Variants in PPP2R5C observed in about 807,000 individuals in gnomAD.
PPP2R5C encodes the protein protein phosphatase 2 regulatory subunit B'gamma.
In PPP2R5C, 7 loss-of-function variants were observed where a neutral mutation model predicts 68.9. The observed-to-expected ratio is 0.10, with a 90% confidence interval of 0.06 to 0.19. The LOEUF is 0.19. Among genes scored for constraint, PPP2R5C ranks in the 10% least tolerant of loss-of-function variants. The pLI is 1.00. For synonymous variants in PPP2R5C, 210 were observed against 222.2 expected (o/e 0.95, Z 0.49); for missense variants, 348 against 641.3 (o/e 0.54, Z 4.94).
At chr14:101,910,151 G>C (rs2046302038) in intron 11 of PPP2R5C, among the ~76,000 whole-genome samples, 1 of 152,168 alleles carries the variant, frequency 6.6e-6, no homozygotes, top group South Asian at 2.1e-4. Context: ...TCTGTCCTTT[G>C]CAAAATCAGG....
At chr14:101,895,044 T>C (rs757966692) in intron 8 of PPP2R5C, among the ~76,000 whole-genome samples, 4 of 152,234 alleles carry the variant, frequency 2.6e-5, no homozygotes, top group Non-Finnish European at 4.4e-5. Context: ...GTTAGATTAC[T>C]GCTGTTCTGT....
intron 8 of PPP2R5C, among the ~76,000 whole-genome samples, chr14:101,894,794 C>T (rs2045196860): frequency 1.3e-5 from 2 of 152,152 alleles, no homozygotes; most frequent in Non-Finnish European, 2.9e-5. Flanking sequence ...CACCTTGTCC[C>T]TCGTTGCACT....
chr14:101,831,051 A>C (rs1566881400), intron 1 of PPP2R5C, among the ~76,000 whole-genome samples: 1 of 152,174 alleles, frequency 6.6e-6, no homozygotes, highest in Non-Finnish European at 1.5e-5. Context: ...CTAACAACCC[A>C]TGTGCAAATG....
chr14:101,818,697 A>T, intron 1 of PPP2R5C: 1 of 233,018 alleles, frequency 4.3e-6, no homozygotes, highest in South Asian at 6.5e-5. Flanking sequence ...TTTCCGTGTC[A>T]TTTCCCTTTA....
intron 1 of PPP2R5C, among the ~76,000 whole-genome samples, chr14:101,814,429 CAG>C (rs762955157): frequency 4.6e-5 from 7 of 152,262 alleles, no homozygotes; most frequent in Non-Finnish European, 1.0e-4. Flanking sequence ...TCTGAGGAAA[CAG>C]GGGTGGGTAT....
intron 2 of PPP2R5C, among the ~76,000 whole-genome samples, chr14:101,867,794 A>AT (rs1224592933): frequency 2.6e-5 from 4 of 150,944 alleles, no homozygotes; most frequent in Admixed American, 6.6e-5. Flanking sequence ...TAATTAATTA[A>AT]TTAAAAAGAT....
chr14:101,788,489 A>T (rs749984248), intron 3 of PPP2R5C, among the ~76,000 whole-genome samples: 1 of 152,210 alleles, frequency 6.6e-6, no homozygotes, highest in Non-Finnish European at 1.5e-5. Context: ...GAGTCGCTGC[A>T]CAAGCCTCTT....
intron 2 of PPP2R5C, among the ~76,000 whole-genome samples, chr14:101,881,849 A>G (rs1289970337): frequency 2.3e-4 from 35 of 152,346 alleles, no homozygotes; most frequent in Admixed American, 2.1e-3. Flanking sequence ...ACTGGATAGT[A>G]TAAGACCTCA....
intron 3 of PPP2R5C, among the ~76,000 whole-genome samples, chr14:101,791,754 TG>T (rs2038373886): frequency 6.6e-6 from 1 of 152,136 alleles, no homozygotes; most frequent in African/African-American, 2.4e-5. Context: ...CATCAAAACT[TG>T]TATGGTATAC....
At chr14:101,842,615 C>T (rs1261209867) in intron 1 of PPP2R5C, among the ~76,000 whole-genome samples, 2 of 152,280 alleles carry the variant, frequency 1.3e-5, no homozygotes, top group East Asian at 1.9e-4. Context: ...GAATCATCCT[C>T]CAGGTCATGC....
chr14:101,839,475 C>T (rs540084268), intron 1 of PPP2R5C: 1 of 152,530 alleles, frequency 6.6e-6, no homozygotes, highest in South Asian at 2.1e-4. Flanking sequence ...GCCCCTACTC[C>T]ACAGGCACCT....
upstream of PPP2R5C, among the ~76,000 whole-genome samples, chr14:101,805,688 C>T (rs905487297): frequency 6.6e-6 from 1 of 152,200 alleles, no homozygotes; most frequent in African/African-American, 2.4e-5. Flanking sequence ...GAATAAACAA[C>T]TTCAGTGTAT....
At chr14:101,843,246 G>A (rs1158464174) in intron 1 of PPP2R5C, 2 of 156,294 alleles carry the variant, frequency 1.3e-5, no homozygotes, top group Non-Finnish European at 2.8e-5. Context: ...TGGCATTTGG[G>A]AACAACATAT....
chr14:101,847,777 C>A (rs749502200), intron 1 of PPP2R5C, among the ~76,000 whole-genome samples: 71 of 151,662 alleles, frequency 4.7e-4, no homozygotes, highest in Middle Eastern at 3.2e-3. Flanking sequence ...ATTCTCCTGC[C>A]TCAGCCTCCC....
intron 2 of PPP2R5C, among the ~76,000 whole-genome samples, chr14:101,770,941 GT>G (rs904388139): frequency 6.6e-6 from 1 of 152,260 alleles, no homozygotes; most frequent in Non-Finnish European, 1.5e-5. Context: ...GGTCTCCAGT[GT>G]TTCCTTAAAC....
chr14:101,799,416 G>A (rs1208340661), intron 3 of PPP2R5C, among the ~76,000 whole-genome samples: 1 of 152,164 alleles, frequency 6.6e-6, no homozygotes, highest in African/African-American at 2.4e-5. Context: ...AAACGTGAGG[G>A]GATAGGGAGA....
chr14:101,824,052 T>C, intron 1 of PPP2R5C: 1 of 1,289,160 alleles, frequency 7.8e-7, no homozygotes, highest in Non-Finnish European at 1.0e-6. Context: ...GCCCCAGAGC[T>C]CCTGTTGAAG....
At chr14:101,889,811 G>T (rs2044744809) in intron 5 of PPP2R5C, 2 of 365,228 alleles carry the variant, frequency 5.5e-6, no homozygotes, top group African/African-American at 2.1e-5. Flanking sequence ...TTAAAATTAA[G>T]TAAGACATTG....
At chr14:101,868,531 A>T (rs2043215074) in intron 2 of PPP2R5C, among the ~76,000 whole-genome samples, 1 of 152,200 alleles carries the variant, frequency 6.6e-6, no homozygotes, top group East Asian at 1.9e-4. Context: ...TATGTTCATT[A>T]TCTGATTATA....
Sources: allele counts gnomAD v4.1 joint callset (sites outside exome capture counted in the v4.1 genomes callset), GRCh38; gene constraint gnomAD v4.1.1; transcripts MANE v1.5; gene names NCBI Gene and HGNC (gene_info 2026-07-23, HGNC 2026-07-21).